The following UHRF2 variants were observed in gnomAD, a reference collection of about 807,000 sequenced individuals.
UHRF2 encodes E3 ubiquitin-protein ligase UHRF2.
Under a neutral mutation model 96.8 loss-of-function variants are expected in UHRF2, and 23 were observed. That is an observed-to-expected ratio of 0.24 (90% CI 0.17 to 0.34). The LOEUF is 0.34. Among genes scored for constraint, UHRF2 ranks in the 10% least tolerant of loss-of-function variants. The probability of loss-of-function intolerance (pLI) is 1.00; values close to 1 mark genes in which losing one functional copy is unlikely to be tolerated. For missense variants in UHRF2, 685 were observed against 981.5 expected (o/e 0.70, Z 4.04); for synonymous variants, 385 against 332.6 (o/e 1.16, Z -1.72).
At chr9:6,452,867 T>C (rs1311363607) in intron 3 of UHRF2, among the ~76,000 whole-genome samples, 1 of 152,154 alleles carries the variant, frequency 6.6e-6, no homozygotes. Context: ...AGCTTTAGAG[T>C]TGTCACTGTA....
intron 4 of UHRF2, among the ~76,000 whole-genome samples, chr9:6,464,718 T>C (rs544986941): frequency 6.6e-6 from 1 of 152,338 alleles, no homozygotes; most frequent in East Asian, 1.9e-4. Flanking sequence ...AAGAATCTTA[T>C]ATTTGGTGAA....
At chr9:6,480,731 C>T (rs1823876283) in intron 6 of UHRF2, among the ~76,000 whole-genome samples, 1 of 152,158 alleles carries the variant, frequency 6.6e-6, no homozygotes, top group African/African-American at 2.4e-5. Flanking sequence ...TGGAAGCCTT[C>T]CTGATTTCCC....
At chr9:6,492,120 G>C (rs937062832) in intron 9 of UHRF2, among the ~76,000 whole-genome samples, 1 of 152,136 alleles carries the variant, frequency 6.6e-6, no homozygotes, top group Non-Finnish European at 1.5e-5. Flanking sequence ...TAATGTTTTT[G>C]TTGATGTAAT....
intron 1 of UHRF2, among the ~76,000 whole-genome samples, chr9:6,418,325 T>C (rs1291517361): frequency 6.6e-6 from 1 of 151,878 alleles, no homozygotes; most frequent in East Asian, 1.9e-4. Flanking sequence ...CAGGGCTTAC[T>C]TGCTTACTGA....
At position 6,432,666 on chromosome 9, in the gene UHRF2, C is replaced by G. The variant is rs140815214; in HGVS notation, c.385-1248C>G. The stretch of plus-strand genomic sequence containing the variant: ...GCATACTGATATTTAACTTACTTCT[C>G]CCACGAGGTATGCCATCTATTAGAC... On this transcript the variant is annotated intron_variant, in intron 2 of 15. Transcript: ENST00000276893. Among the ~76,000 whole-genome samples the G allele has an allele frequency of 1.6e-3, 237 of 152,288 alleles. 1 individual carries two copies. Among genetic ancestry groups the G allele is most frequent in the African/African-American group, 5.6e-3 (231 of 41,546 alleles).
At chr9:6,452,042 A>G (rs1391655661) in intron 3 of UHRF2, among the ~76,000 whole-genome samples, 1 of 152,156 alleles carries the variant, frequency 6.6e-6, no homozygotes, top group Non-Finnish European at 1.5e-5. Flanking sequence ...ATACATATAT[A>G]CACTAGATAG....
At chr9:6,419,871 C>G (rs942506618) in intron 1 of UHRF2, among the ~76,000 whole-genome samples, 20 of 152,174 alleles carry the variant, frequency 1.3e-4, no homozygotes, top group African/African-American at 4.8e-4. Context: ...TCCTGAGTAG[C>G]TGGGACCACA....
intron 8 of UHRF2, among the ~76,000 whole-genome samples, chr9:6,482,922 G>C (rs1298634518): frequency 1.3e-5 from 2 of 152,074 alleles, no homozygotes; most frequent in South Asian, 2.1e-4. Context: ...CTGGTACTTA[G>C]ACCTTTAATA....
intron 4 of UHRF2, among the ~76,000 whole-genome samples, chr9:6,473,619 A>G (rs2130886569): frequency 6.6e-6 from 1 of 152,262 alleles, no homozygotes; most frequent in Admixed American, 6.5e-5. Context: ...ATGAACCTAA[A>G]TCTGATTGAG....
chr9:6,458,760 A>G (rs947484592), intron 3 of UHRF2, among the ~76,000 whole-genome samples: 3 of 152,212 alleles, frequency 2.0e-5, no homozygotes, highest in Non-Finnish European at 2.9e-5. Context: ...ATAAAGACAC[A>G]TGCACATGTA....
Position 6,444,553 on chromosome 9 carries a change from C to T in UHRF2, c.644+10380C>T, listed in dbSNP as rs186311271. On this transcript the variant is annotated intron_variant, in intron 3 of 15. Transcript: ENST00000276893. Reference sequence around the variant, plus strand: ...AGAAACAGATTCCTGAGGGGACCCTCTCTCTCCCTGCTTCCTCATTGTGTG... The same window carrying T: ...AGAAACAGATTCCTGAGGGGACCCTTTCTCTCCCTGCTTCCTCATTGTGTG... Among the ~76,000 whole-genome samples, 987 of 152,294 alleles carry T rather than the reference C, an allele frequency of 6.5e-3. 4 individuals are homozygous for T. The highest frequency in any genetic ancestry group is 9.4e-3 in the Admixed American group (144 of 15,292).
At chr9:6,442,730 A>G (rs573822595) in intron 3 of UHRF2, among the ~76,000 whole-genome samples, 21 of 151,776 alleles carry the variant, frequency 1.4e-4, no homozygotes, top group African/African-American at 2.7e-4. Flanking sequence ...GGCTCAAGCA[A>G]TCCTTTCACC....
intron 8 of UHRF2, among the ~76,000 whole-genome samples, chr9:6,482,418 G>C (rs1823980202): frequency 6.6e-6 from 1 of 152,138 alleles, no homozygotes; most frequent in East Asian, 1.9e-4. Context: ...GAATCATGTG[G>C]CAAATTCTCA....
chr9:6,445,078 C>T (rs1384803639), intron 3 of UHRF2, among the ~76,000 whole-genome samples: 1 of 143,860 alleles, frequency 7.0e-6, no homozygotes, highest in African/African-American at 2.6e-5. Flanking sequence ...ATCATTTGAG[C>T]TCAGGAGTTT....
intron 13 of UHRF2, 87 bp from the exon 14 acceptor site, chr9:6,500,465 A>G (rs992514431): frequency 1.7e-6 from 2 of 1,161,694 alleles, no homozygotes; most frequent in South Asian, 1.8e-5. Flanking sequence ...TCTGCTAAAC[A>G]TTACTTGTGC....
At chr9:6,415,572 T>G (rs1263283233) in intron 1 of UHRF2, 1 of 152,162 alleles carries the variant, frequency 6.6e-6, no homozygotes, top group Non-Finnish European at 1.5e-5. Context: ...TCCTGTAAAA[T>G]ACCATGTCCT....
intron 1 of UHRF2, among the ~76,000 whole-genome samples, chr9:6,414,988 G>C (rs183376825): frequency 6.6e-6 from 1 of 152,286 alleles, no homozygotes; most frequent in East Asian, 1.9e-4. Context: ...GCTTTGCTGT[G>C]CCTCAAGTGG....
At chr9:6,444,825 A>G (rs1489957033) in intron 3 of UHRF2, among the ~76,000 whole-genome samples, 3 of 151,932 alleles carry the variant, frequency 2.0e-5, no homozygotes, top group Non-Finnish European at 2.9e-5. Flanking sequence ...CTGGTCTTGA[A>G]CCCTGACCTT....
At chr9:6,470,113 A>G (rs565105439) in intron 4 of UHRF2, among the ~76,000 whole-genome samples, 3 of 152,308 alleles carry the variant, frequency 2.0e-5, no homozygotes, top group African/African-American at 4.8e-5. Context: ...GCTCACGCCT[A>G]TATAATCGCA....
Sources: allele counts gnomAD v4.1 joint callset (sites outside exome capture counted in the v4.1 genomes callset), GRCh38; gene constraint gnomAD v4.1.1; transcripts MANE v1.5; gene names NCBI Gene and HGNC (gene_info 2026-07-23, HGNC 2026-07-21).